SLC37A2: variants seen among roughly 807,000 people sequenced by gnomAD.
The protein encoded by SLC37A2 is solute carrier family 37 member 2.
A neutral mutation model predicts 70.7 loss-of-function variants in SLC37A2; 59 were observed. That is an observed-to-expected ratio of 0.83 (90% CI 0.68 to 1.04). The LOEUF is 1.04. Ranked by LOEUF, SLC37A2 falls within the 50% of genes least tolerant of loss-of-function variation. The probability of loss-of-function intolerance (pLI) is 0.00; values close to 1 mark genes in which losing one functional copy is unlikely to be tolerated. For missense variants in SLC37A2, 580 were observed against 658.1 expected, an observed-to-expected ratio of 0.88 and a Z score of 1.30; for synonymous variants, 257 against 262.1, an observed-to-expected ratio of 0.98 and a Z score of 0.19.
chr11:125,070,740 C>A (rs944227877), intron 1 of SLC37A2, among the ~76,000 whole-genome samples: 1 of 152,190 alleles, frequency 6.6e-6, no homozygotes, highest in African/African-American at 2.4e-5. Flanking sequence ...TACTCCGGCC[C>A]CCCAGAAGGG....
chr11:125,063,513 G>C lies in SLC37A2; in HGVS notation c.59+87G>C, dbSNP rs1948951533. 4.6e-6 allele frequency: 6 copies of C among 1,291,310 alleles called. No individual in the cohort carries two copies. Among genetic ancestry groups the C allele is most frequent in the Non-Finnish European group, 6.4e-6 (6 of 931,262 alleles). The allele number at this position is 1,291,310 out of a possible 1,614,324, so 80.0% of individuals were successfully genotyped here. On this transcript the variant is annotated intron_variant, in intron 1 of 17. Transcript: ENST00000403796. The surrounding 1 kb of genome is among the most constrained non-coding windows in gnomAD (Gnocchi z 5.4). Reference sequence around the variant, plus strand: ...GCGGGGGGCCTCGGAGATCACCCCAGATCGGCCCCGGCGTCGCCGCGTGGC... The same window carrying C: ...GCGGGGGGCCTCGGAGATCACCCCACATCGGCCCCGGCGTCGCCGCGTGGC...
At chr11:125,076,190 G>A (rs1309606607) in intron 1 of SLC37A2, among the ~76,000 whole-genome samples, 1 of 152,156 alleles carries the variant, frequency 6.6e-6, no homozygotes. Flanking sequence ...GGGATGGACG[G>A]ACTGGGACTA....
chr11:125,088,477 C>T lies in SLC37A2; in HGVS notation c.*343C>T, dbSNP rs891223968. 7 of 260,428 alleles carry T rather than the reference C, an allele frequency of 2.7e-5. No individual in the cohort carries two copies. The highest frequency in any genetic ancestry group is 1.0e-4 in the Admixed American group (2 of 19,600). 16.1% of individuals were successfully genotyped at this position (260,428 alleles called of 1,614,324 possible). ...AAGACAGAAGGCTTCACAAGGCCAACGCCTGGAAAATGGGCATCTCTCCTT... is the reference window on the plus strand; with the variant it reads ...AAGACAGAAGGCTTCACAAGGCCAATGCCTGGAAAATGGGCATCTCTCCTT... On this transcript the variant is annotated 3_prime_UTR_variant, in exon 18 of 18. Coordinates refer to ENST00000403796, the MANE Select transcript of SLC37A2 (RefSeq NM_001145290.2).
chr11:125,077,207 T>G, intron 2 of SLC37A2, 23 bp from the exon 3 acceptor site: 1 of 1,548,166 alleles, frequency 6.5e-7, no homozygotes, highest in Non-Finnish European at 8.7e-7. Flanking sequence ...ACCCCTGACC[T>G]GTATGTCCCA....
chr11:125,081,571 C>A (rs4396301), intron 8 of SLC37A2, 113 bp downstream of exon 8: 20 of 1,412,032 alleles, frequency 1.4e-5, no homozygotes, highest in Non-Finnish European at 1.5e-5. Flanking sequence ...CTGACCTCAC[C>A]GACCCAGTGC....
At chr11:125,070,478 A>T (rs1949019349) in intron 1 of SLC37A2, among the ~76,000 whole-genome samples, 1 of 152,182 alleles carries the variant, frequency 6.6e-6, no homozygotes, top group Non-Finnish European at 1.5e-5. Flanking sequence ...GAGACGTACA[A>T]CAACTTGCCC....
intron 1 of SLC37A2, among the ~76,000 whole-genome samples, chr11:125,069,412 T>C (rs1949008606): frequency 6.6e-6 from 1 of 152,242 alleles, no homozygotes; most frequent in Admixed American, 6.5e-5. Flanking sequence ...TCTCCCAGGC[T>C]CAATTTCCTT....
rs1427536649 is a variant in SLC37A2, at chr11:125,090,412, TAAG to T, written c.*2280_*2282del. 2 of 152,428 alleles carry T rather than the reference TAAG, an allele frequency of 1.3e-5. No individual in the cohort carries two copies. The highest frequency in any genetic ancestry group is 2.4e-5 in the African/African-American group (1 of 41,576). 9.4% of individuals were successfully genotyped at this position (152,428 alleles called of 1,614,324 possible). A position where few individuals can be genotyped will look rare whatever the true frequency, so the allele number is the denominator to read the frequency against. On this transcript the variant is annotated 3_prime_UTR_variant, in exon 18 of 18. Transcript: ENST00000403796. ...TAAGCAGGATGTGGGTGGGGCCAGA[TAAG>T]AGAATAAAAGCAGGCTGCCCGAGCC...
In SLC37A2 at chr11:125,082,143, G is replaced by A. The variant is rs1024461939; in HGVS notation, c.886-101G>A. Reference sequence around the variant, plus strand: ...TGTTGGAGGCTGCCTTGTGTGGCAGGTGATGGAAAGTACTGGGGTGGTGCT... The same window carrying A: ...TGTTGGAGGCTGCCTTGTGTGGCAGATGATGGAAAGTACTGGGGTGGTGCT... On this transcript the variant is annotated intron_variant, in intron 9 of 17. Transcript: ENST00000403796. 8.5e-6 allele frequency: 10 copies of A among 1,177,202 alleles called. No individual in the cohort carries two copies. In the African/African-American group the frequency reaches 1.2e-4, roughly 14 times the overall value. The allele number at this position is 1,177,202 out of a possible 1,614,324, so 72.9% of individuals were successfully genotyped here. A position where few individuals can be genotyped will look rare whatever the true frequency, so the allele number is the denominator to read the frequency against.
chr11:125,087,988 C>T, intron 17 of SLC37A2, 131 bp from the exon 18 acceptor site: 2 of 983,164 alleles, frequency 2.0e-6, no homozygotes, highest in South Asian at 1.5e-5. Context: ...AAAGGGAGGC[C>T]TCATTACAGA....
rs1412677643 is a variant in SLC37A2 at position 125,085,971 on chromosome 11, A to T, written c.1443A>T (p.Val481=). 13 of 1,614,130 alleles carry T rather than the reference A, an allele frequency of 8.1e-6. No individual in the cohort carries two copies. The highest frequency in any genetic ancestry group is 1.0e-5 in the Non-Finnish European group (12 of 1,180,012). The change falls in exon 17 of 18, where the codon GTA becomes GTT. Residue 481 remains valine, a synonymous_variant. Coordinates refer to ENST00000403796, the MANE Select transcript of SLC37A2 (RefSeq NM_001145290.2). ...VLACLLLCRL[V]YKEILAWKVS... ...CTCCACAGCTCCTTTGCCGGTTAGT[A>T]TACAAAGAGATCTTGGCCTGGAAGG... is the stretch of plus-strand genomic sequence containing the variant.
chr11:125,068,470 T>G (rs1949001361), intron 1 of SLC37A2, among the ~76,000 whole-genome samples: 1 of 152,178 alleles, frequency 6.6e-6, no homozygotes, highest in Non-Finnish European at 1.5e-5. Context: ...GGTTCTACCT[T>G]CTTGGAACTA....
rs1045996613 is a variant in SLC37A2 at position 125,081,674 on chromosome 11, C to T, written c.733-80C>T. On this transcript the variant is annotated intron_variant, in intron 8 of 17. Coordinates refer to ENST00000403796, the MANE Select transcript of SLC37A2 (RefSeq NM_001145290.2). ...GCCTCCCCATCCTGGGAGCCAGTGTCTCTTGCCTGGGCTGCACCTTCAGCT... is the reference window on the plus strand; with the variant it reads ...GCCTCCCCATCCTGGGAGCCAGTGTTTCTTGCCTGGGCTGCACCTTCAGCT... The T allele has an allele frequency of 4.0e-6, 6 of 1,498,512 alleles. No homozygotes were observed. In the African/African-American group the frequency reaches 7.0e-5, roughly 17 times the overall value. 92.8% of individuals were successfully genotyped at this position (1,498,512 alleles called of 1,614,324 possible). A position where few individuals can be genotyped will look rare whatever the true frequency, so the allele number is the denominator to read the frequency against.
chr11:125,079,497 C>T (rs908384313), intron 5 of SLC37A2, among the ~76,000 whole-genome samples, 187 bp from the exon 6 acceptor site: 6 of 152,086 alleles, frequency 3.9e-5, no homozygotes, highest in African/African-American at 9.7e-5. Flanking sequence ...CAATCTTGAG[C>T]GAGAGAAGCC....
At chr11:125,085,269 C>A in intron 14 of SLC37A2, 126 bp from the exon 15 acceptor site, 1 of 1,236,670 alleles carries the variant, frequency 8.1e-7, no homozygotes, top group South Asian at 1.3e-5. Context: ...CAGAACGCAC[C>A]ATGGGCCCCT....
intron 1 of SLC37A2, among the ~76,000 whole-genome samples, chr11:125,074,691 C>T (rs1008938307): frequency 1.3e-5 from 2 of 152,106 alleles, no homozygotes; most frequent in African/African-American, 2.4e-5. Context: ...CTGACCAGCC[C>T]TGGGAGGGCT....
At chr11:125,078,071 AG>A (rs1949109579) in intron 4 of SLC37A2, among the ~76,000 whole-genome samples, 1 of 152,166 alleles carries the variant, frequency 6.6e-6, no homozygotes, top group East Asian at 1.9e-4. Context: ...GCTAGAGCAG[AG>A]GGGTCGGGGA....
chr11:125,082,783 GTCT>G (rs1949164421), intron 10 of SLC37A2, among the ~76,000 whole-genome samples: 1 of 152,122 alleles, frequency 6.6e-6, no homozygotes. Flanking sequence ...GACCCTGGTG[GTCT>G]TCTCCCCGTG....
chr11:125,063,402 TC>T lies in SLC37A2; in HGVS notation c.37del (p.Arg13GlyfsTer16). On this transcript the variant is annotated frameshift_variant, in exon 1 of 18. Transcript: ENST00000403796. LOFTEE classifies it high-confidence loss of function. The surrounding 1 kb of genome is among the most constrained non-coding windows in gnomAD (Gnocchi z 5.4). ...RSSLAPGVWF[F>X]RAFSRDSWFR... Reference sequence around the variant, plus strand: ...TCCCTGGCTCCGGGAGTCTGGTTCTTCCGGGCCTTCTCCAGGGACAGCTGGT... The same window carrying T: ...TCCCTGGCTCCGGGAGTCTGGTTCTTCGGGCCTTCTCCAGGGACAGCTGGT... 1.2e-6 allele frequency: 2 copies of T among 1,611,894 alleles called. No individual in the cohort carries two copies. The highest frequency in any genetic ancestry group is 1.7e-6 in the Non-Finnish European group (2 of 1,179,222).
Sources: allele counts gnomAD v4.1 joint callset (sites outside exome capture counted in the v4.1 genomes callset), GRCh38; gene constraint gnomAD v4.1.1; non-coding constraint Gnocchi (gnomAD v3.1); transcripts MANE v1.5; gene names NCBI Gene and HGNC (gene_info 2026-07-23, HGNC 2026-07-21).